The following APBB1IP variants were observed in gnomAD, a reference collection of about 807,000 sequenced individuals.
The protein encoded by APBB1IP is amyloid beta A4 precursor protein-binding family B member 1-interacting protein.
A neutral mutation model predicts 64.9 loss-of-function variants in APBB1IP; 27 were observed. The observed-to-expected ratio is 0.42, with a 90% CI of 0.31 to 0.57. The LOEUF (loss-of-function observed/expected upper bound fraction) is 0.57, where lower values mean the gene tolerates loss of function less well. Among genes scored for constraint, APBB1IP ranks in the 20% least tolerant of loss-of-function variants. The probability of loss-of-function intolerance (pLI) is 0.20; values close to 1 mark genes in which losing one functional copy is unlikely to be tolerated. For missense variants in APBB1IP, 812 were observed against 845.5 expected, an observed-to-expected ratio of 0.96 and a Z score of 0.49; for synonymous variants, 392 against 331.0, an observed-to-expected ratio of 1.18 and a Z score of -2.00.
intron 11 of APBB1IP, among the ~76,000 whole-genome samples, chr10:26,554,771 T>C (rs1836874091): frequency 6.6e-6 from 1 of 152,098 alleles, no homozygotes; most frequent in Admixed American, 6.5e-5. Flanking sequence ...TTTGCAGAGA[T>C]GGGGTTTAGC....
chr10:26,519,360 A>T (rs1263600191), intron 8 of APBB1IP, among the ~76,000 whole-genome samples: 1 of 152,208 alleles, frequency 6.6e-6, no homozygotes, highest in East Asian at 1.9e-4. Context: ...GCATGGTGGC[A>T]TCTGCTTCTG....
intron 2 of APBB1IP, among the ~76,000 whole-genome samples, chr10:26,447,073 G>C (rs1380980857): frequency 6.6e-6 from 1 of 152,082 alleles, no homozygotes; most frequent in East Asian, 1.9e-4. Flanking sequence ...AAGGAGAAAG[G>C]TATAGAAATG....
chr10:26,450,975 C>A (rs571071424), intron 2 of APBB1IP, among the ~76,000 whole-genome samples: 1 of 152,060 alleles, frequency 6.6e-6, no homozygotes, highest in Admixed American at 6.6e-5. Flanking sequence ...GGATTATAGG[C>A]GTGAGCCACC....
At chr10:26,463,322 C>T (rs1053968814) in intron 2 of APBB1IP, among the ~76,000 whole-genome samples, 4 of 152,162 alleles carry the variant, frequency 2.6e-5, no homozygotes, top group Non-Finnish European at 5.9e-5. Context: ...CACTTGTAGT[C>T]CTAGCTACTC....
At chr10:26,545,790 AAC>A (rs1588614228) in intron 11 of APBB1IP, among the ~76,000 whole-genome samples, 2 of 94,036 alleles carry the variant, frequency 2.1e-5, no homozygotes, top group South Asian at 3.1e-4. Context: ...AACAAAAAAA[AAC>A]CACAAAAATT....
At chr10:26,537,112 A>C (rs1836634891) in intron 10 of APBB1IP, among the ~76,000 whole-genome samples, 1 of 152,082 alleles carries the variant, frequency 6.6e-6, no homozygotes, top group Non-Finnish European at 1.5e-5. Flanking sequence ...TTTAACTCTT[A>C]TTCTGACCAT....
At chr10:26,474,893 G>T (rs1195263600) in intron 2 of APBB1IP, among the ~76,000 whole-genome samples, 1 of 152,218 alleles carries the variant, frequency 6.6e-6, no homozygotes, top group Non-Finnish European at 1.5e-5. Context: ...CAAGCTAAAG[G>T]TAGGTCTCAA....
rs150737643 is a variant in APBB1IP, at chr10:26,475,999, C to G, written c.1-16328C>G. Among the ~76,000 whole-genome samples the G allele has an allele frequency of 5.5e-4, 84 of 152,018 alleles. 1 individual carries two copies. In the East Asian group the frequency reaches 7.2e-3, roughly 13 times the overall value. ...TCCCAGCACTTTGGGAGGCCAAGGC[C>G]AGAGGATCGCTTGAGGCCAAGAGTT... On this transcript the variant is annotated intron_variant, in intron 2 of 14. Coordinates refer to ENST00000376236, the MANE Select transcript of APBB1IP (RefSeq NM_019043.4).
chr10:26,551,948 TGG>T, intron 11 of APBB1IP, among the ~76,000 whole-genome samples: 1 of 151,842 alleles, frequency 6.6e-6, no homozygotes, highest in Admixed American at 6.6e-5. Flanking sequence ...GATGGATGGA[TGG>T]ATGGATGGAT....
intron 11 of APBB1IP, among the ~76,000 whole-genome samples, chr10:26,542,538 G>T (rs1233537395): frequency 6.6e-6 from 1 of 152,126 alleles, no homozygotes; most frequent in Non-Finnish European, 1.5e-5. Context: ...ATGCGTTACG[G>T]GTCTTTCTGT....
intron 11 of APBB1IP, among the ~76,000 whole-genome samples, chr10:26,558,016 T>A (rs1212724247): frequency 6.6e-6 from 1 of 151,972 alleles, no homozygotes; most frequent in African/African-American, 2.4e-5. Flanking sequence ...TGCTTCCAGC[T>A]CTCTTGGCTT....
At position 26,528,632 on chromosome 10, in the gene APBB1IP, CCTT is replaced by C. The variant is rs1302188790; in HGVS notation, c.814-4803_814-4801del. On this transcript the variant is annotated intron_variant, in intron 8 of 14. Transcript: ENST00000376236. ...ATTTATCTTCTCCATGTGATAGCAACCTTCTTAAGAACAGGGATTTGAGGCCAG... is the reference window on the plus strand; with the variant it reads ...ATTTATCTTCTCCATGTGATAGCAACCTTAAGAACAGGGATTTGAGGCCAG... Among the ~76,000 whole-genome samples the C allele has an allele frequency of 2.0e-5, 3 of 152,118 alleles. No homozygotes were observed. The East Asian group carries it at 5.8e-4, about 29-fold the overall frequency.
rs139055302 is a variant in APBB1IP, at chr10:26,560,839, C to T, written c.1364C>T (p.Ser455Phe). 8.2e-6 allele frequency: 13 copies of T among 1,587,314 alleles called. No individual in the cohort carries two copies. Among genetic ancestry groups the T allele is most frequent in the African/African-American group, 6.8e-5 (5 of 73,088 alleles). ...TVNAAAPAQP[S>F]TGPKTGTTQP... ...AATGCAGCTGCACCAGCTCAGCCAT[C>T]TACAGGTACTAAGTGGAGGAGAAAT... Residue 455 changes from serine to phenylalanine, a missense_variant, in exon 13 of 15, where the codon TCT (serine) becomes TTT (phenylalanine). Coordinates refer to ENST00000376236, the MANE Select transcript of APBB1IP (RefSeq NM_019043.4).
At chr10:26,454,001 T>C (rs4518996) in intron 2 of APBB1IP, among the ~76,000 whole-genome samples, 60,765 of 152,096 alleles carry the variant, frequency 0.4, 12,285 homozygotes, top group South Asian at 0.5. Flanking sequence ...AATATGGTAC[T>C]TATCCACAAT....
At chr10:26,534,979 A>G (rs1236858120) in intron 9 of APBB1IP, among the ~76,000 whole-genome samples, 2 of 152,174 alleles carry the variant, frequency 1.3e-5, no homozygotes, top group Admixed American at 1.3e-4. Flanking sequence ...TCTACTACAT[A>G]AAAATGTACT....
chr10:26,497,191 C>T (rs1014864941), intron 4 of APBB1IP, among the ~76,000 whole-genome samples: 1 of 151,604 alleles, frequency 6.6e-6, no homozygotes, highest in South Asian at 2.1e-4. Flanking sequence ...AAATAAAAAA[C>T]AAAACAAAAC....
At chr10:26,456,479 A>T (rs1432154921) in intron 2 of APBB1IP, among the ~76,000 whole-genome samples, 2 of 152,320 alleles carry the variant, frequency 1.3e-5, no homozygotes, top group Middle Eastern at 3.4e-3. Flanking sequence ...TGGAGTTTAT[A>T]TTAAATCCTA....
chr10:26,455,369 A>G (rs1282144654), intron 2 of APBB1IP, among the ~76,000 whole-genome samples: 1 of 152,130 alleles, frequency 6.6e-6, no homozygotes, highest in African/African-American at 2.4e-5. Context: ...CTCTACTAAA[A>G]TACAAAAAAG....
chr10:26,460,020 A>G (rs919783937), intron 2 of APBB1IP, among the ~76,000 whole-genome samples: 2 of 152,168 alleles, frequency 1.3e-5, no homozygotes, highest in African/African-American at 4.8e-5. Context: ...AAACAAAATA[A>G]TGTATTTTTG....
Sources: gnomAD v4.1 joint callset for allele counts (sites outside exome capture counted in the v4.1 genomes callset) on GRCh38, gnomAD v4.1.1 for gene constraint, MANE v1.5 for transcripts, NCBI Gene and HGNC (gene_info 2026-07-23, HGNC 2026-07-21) for gene names.